BCKDHB: variants seen among roughly 807,000 people sequenced by gnomAD.
The protein encoded by BCKDHB is 2-oxoisovalerate dehydrogenase subunit beta, mitochondrial.
Under a neutral mutation model 48.5 loss-of-function variants are expected in BCKDHB, and 41 were observed. That is an observed-to-expected ratio of 0.85 (90% CI 0.66 to 1.10). The LOEUF is 1.10. Among genes scored for constraint, BCKDHB ranks in the 50% least tolerant of loss-of-function variants. The pLI is 0.00. For missense variants in BCKDHB, 496 were observed against 494.2 expected (o/e 1.00, Z -0.03); for synonymous variants, 201 against 174.8 (o/e 1.15, Z -1.18).
At chr6:80,123,319 T>C (rs953504409) in intron 1 of BCKDHB, among the ~76,000 whole-genome samples, 2 of 152,174 alleles carry the variant, frequency 1.3e-5, no homozygotes, top group African/African-American at 4.8e-5. Flanking sequence ...AATTAAGAGA[T>C]TAAAGTAAAA....
At chr6:80,432,227 G>T in the BCKDHB span, among the ~76,000 whole-genome samples, 1 of 152,130 alleles carries the variant, frequency 6.6e-6, no homozygotes, top group Non-Finnish European at 1.5e-5. Flanking sequence ...ATGTTGGCCT[G>T]CCTTGCTAGG....
At chr6:80,381,657 T>C in the BCKDHB span, among the ~76,000 whole-genome samples, 5 of 152,120 alleles carry the variant, frequency 3.3e-5, no homozygotes, top group African/African-American at 1.2e-4. Context: ...ATGCTTCTTG[T>C]GGTTATGTTT....
At chr6:80,204,853 A>C (rs1418296767) in intron 8 of BCKDHB, among the ~76,000 whole-genome samples, 1 of 152,008 alleles carries the variant, frequency 6.6e-6, no homozygotes, top group African/African-American at 2.4e-5. Context: ...TCACTGTGTT[A>C]AATCTGTTGG....
the BCKDHB span, among the ~76,000 whole-genome samples, chr6:80,368,712 TA>T: frequency 8.7e-4 from 129 of 149,126 alleles, 1 homozygote; most frequent in Admixed American, 4.5e-3. Context: ...TACATGAACT[TA>T]AAAAAAAAAA....
downstream of BCKDHB, among the ~76,000 whole-genome samples, chr6:80,349,384 A>C (rs1006383062): frequency 6.6e-6 from 1 of 152,238 alleles, no homozygotes; most frequent in Non-Finnish European, 1.5e-5. Flanking sequence ...TACAAAGTTA[A>C]CTAAGAAATA....
chr6:80,348,024 A>G (rs1266981808), downstream of BCKDHB, among the ~76,000 whole-genome samples: 1 of 151,652 alleles, frequency 6.6e-6, no homozygotes, highest in Non-Finnish European at 1.5e-5. Flanking sequence ...CTGTGGTTTA[A>G]TGTGTCTGAT....
intron 9 of BCKDHB, among the ~76,000 whole-genome samples, chr6:80,285,166 TCTAC>T: frequency 6.6e-6 from 1 of 152,152 alleles, no homozygotes; most frequent in Non-Finnish European, 1.5e-5. Context: ...GGCATAGAGT[TCTAC>T]CTAAGTGTAC....
chr6:80,162,078 G>A (rs1772343750), intron 3 of BCKDHB, among the ~76,000 whole-genome samples: 1 of 152,132 alleles, frequency 6.6e-6, no homozygotes, highest in African/African-American at 2.4e-5. Flanking sequence ...ATGCCATGAT[G>A]CAACTGGTCT....
chr6:80,354,191 T>A, the BCKDHB span, among the ~76,000 whole-genome samples: 2 of 151,756 alleles, frequency 1.3e-5, no homozygotes, highest in Admixed American at 1.3e-4. Flanking sequence ...TTAGTTTAAT[T>A]TAGTTTAATT....
At chr6:80,410,109 G>A in the BCKDHB span, among the ~76,000 whole-genome samples, 1 of 152,070 alleles carries the variant, frequency 6.6e-6, no homozygotes, top group African/African-American at 2.4e-5. Context: ...CATGTTTAGT[G>A]CTTCCTTCAG....
intron 8 of BCKDHB, among the ~76,000 whole-genome samples, chr6:80,249,545 C>A (rs1026925655): frequency 6.6e-6 from 1 of 152,052 alleles, no homozygotes; most frequent in African/African-American, 2.4e-5. Context: ...ATGTTGTACT[C>A]CAAATAGTGA....
intron 3 of BCKDHB, among the ~76,000 whole-genome samples, chr6:80,160,846 A>G (rs1469679834): frequency 2.0e-5 from 3 of 152,240 alleles, no homozygotes; most frequent in Non-Finnish European, 4.4e-5. Flanking sequence ...ACAAAGCAGG[A>G]GTAGCACAAT....
chr6:80,189,857 GTTGAAC>G (rs1020860347), intron 6 of BCKDHB, among the ~76,000 whole-genome samples: 1 of 152,096 alleles, frequency 6.6e-6, no homozygotes, highest in African/African-American at 2.4e-5. Context: ...ATCTCTCAGT[GTTGAAC>G]TTGAATTTAT....
chr6:80,229,681 A>G (rs1006197277), intron 8 of BCKDHB, among the ~76,000 whole-genome samples: 2 of 152,200 alleles, frequency 1.3e-5, no homozygotes, highest in Non-Finnish European at 2.9e-5. Flanking sequence ...TTTGAAATCT[A>G]GAAGACTTTC....
intron 3 of BCKDHB, among the ~76,000 whole-genome samples, chr6:80,155,124 A>AT (rs1771973422): frequency 1.3e-5 from 2 of 152,106 alleles, no homozygotes; most frequent in African/African-American, 4.8e-5. Context: ...TTTCCTGATC[A>AT]TTTTTATTCC....
At chr6:80,273,113 A>G in intron 8 of BCKDHB, 22 bp from the exon 9 acceptor site, 3 of 1,582,574 alleles carry the variant, frequency 1.9e-6, no homozygotes, top group Non-Finnish European at 2.6e-6. Flanking sequence ...TTTTAACATC[A>G]GGTTTTTCTT....
At chr6:80,357,147 CTT>C in the BCKDHB span, among the ~76,000 whole-genome samples, 1 of 152,014 alleles carries the variant, frequency 6.6e-6, no homozygotes, top group Non-Finnish European at 1.5e-5. Context: ...TAATGGGACT[CTT>C]TGCAAAGGTA....
At chr6:80,450,862 C>G in the BCKDHB span, among the ~76,000 whole-genome samples, 1 of 151,992 alleles carries the variant, frequency 6.6e-6, no homozygotes, top group Non-Finnish European at 1.5e-5. Flanking sequence ...TCCATTTTCT[C>G]AGAAAAAGTA....
chr6:80,230,330 G>A (rs140771603), intron 8 of BCKDHB, among the ~76,000 whole-genome samples: 3,040 of 151,990 alleles, frequency 0.02, 89 homozygotes, highest in African/African-American at 0.068. Context: ...GAGCCACCGC[G>A]CCTGGCCAGG....
Sources: allele counts gnomAD v4.1 joint callset (sites outside exome capture counted in the v4.1 genomes callset), GRCh38; gene constraint gnomAD v4.1.1; transcripts MANE v1.5; gene names NCBI Gene and HGNC (gene_info 2026-07-23, HGNC 2026-07-21).